LTBP3: variants seen among roughly 807,000 people sequenced by gnomAD.
The protein encoded by LTBP3 is latent-transforming growth factor beta-binding protein 3.
A neutral mutation model predicts 159.7 loss-of-function variants in LTBP3; 97 were observed. The observed-to-expected ratio is 0.61, with a 90% CI of 0.52 to 0.72. LTBP3 has a LOEUF of 0.72. Among genes scored for constraint, LTBP3 ranks in the 30% least tolerant of loss-of-function variants. The probability of loss-of-function intolerance (pLI) is 0.00; values close to 1 mark genes in which losing one functional copy is unlikely to be tolerated. For synonymous variants in LTBP3, 824 were observed against 777.1 expected, an observed-to-expected ratio of 1.06 and a Z score of -1.00; for missense variants, 1,584 against 1,864.3, an observed-to-expected ratio of 0.85 and a Z score of 2.77.
rs770492133 is a variant in LTBP3, at chr11:65,551,200, G to A, written c.1646C>T (p.Pro549Leu). 6.5e-6 allele frequency: 10 copies of A among 1,549,546 alleles called. No individual in the cohort carries two copies. In the East Asian group the frequency reaches 2.2e-4, roughly 34 times the overall value. ...GTCCGGCAGGAACCAGCGCATGGTC[G>A]GGGGCGAGGGACGGGAGATCAGCTC... ...YPELISRPSP[P>L]TMRWFLPDLP... The change falls in exon 11 of 28, where the codon CCG (proline) becomes CTG (leucine). Residue 549 changes from proline to leucine, a missense_variant. This residue lies in a region of LTBP3 where 565 missense variants were observed against 677.7 expected (regional missense o/e 0.83). Coordinates refer to ENST00000301873, the MANE Select transcript of LTBP3 (RefSeq NM_001130144.3).
Position 65,538,716 on chromosome 11 carries a change from G to A in LTBP3, c.*364C>T, listed in dbSNP as rs963553113. On this transcript the variant is annotated 3_prime_UTR_variant, in exon 28 of 28. Transcript: ENST00000301873. Reference sequence around the variant, plus strand: ...AATTCTATTTCACACCCCTTGTGCCGGGCTCAGTCTAGCCCCTGGGAGGCG... The same window carrying A: ...AATTCTATTTCACACCCCTTGTGCCAGGCTCAGTCTAGCCCCTGGGAGGCG... The A allele has an allele frequency of 3.5e-6, 4 of 1,136,976 alleles. No homozygotes were observed. Among genetic ancestry groups the A allele is most frequent in the African/African-American group, 3.1e-5 (2 of 64,136 alleles). 70.4% of individuals were successfully genotyped at this position (1,136,976 alleles called of 1,614,324 possible).
In LTBP3 at chr11:65,553,369, G is replaced by C; in HGVS notation, c.970+56C>G. On this transcript the variant is annotated intron_variant, in intron 4 of 27. Coordinates refer to ENST00000301873, the MANE Select transcript of LTBP3 (RefSeq NM_001130144.3). This position sits in a 1 kb window ranked among gnomAD's most constrained non-coding sequence, Gnocchi z 6.5. ...GGGACTCCCACTGCAGGGATGGGTG[G>C]GGTGGGTGGGGAGGGGCCACCAGAT... The C allele has an allele frequency of 7.1e-7, 1 of 1,401,238 alleles. No individual in the cohort carries two copies. The highest frequency in any genetic ancestry group is 1.0e-6 in the Non-Finnish European group (1 of 997,454). 86.8% of individuals were successfully genotyped at this position (1,401,238 alleles called of 1,614,324 possible).
chr11:65,552,314 G>A lies in LTBP3; in HGVS notation c.1279C>T (p.Leu427Phe). The A allele has an allele frequency of 6.2e-7, 1 of 1,614,162 alleles. No homozygotes were observed. The change falls in exon 7 of 28, where the codon CTC becomes TTC. Residue 427 changes from leucine to phenylalanine, a missense_variant. Around this residue, in one of 6 missense-constraint regions of LTBP3, gnomAD observed 156 missense variants for 259.7 expected, o/e 0.60. Coordinates refer to ENST00000301873, the MANE Select transcript of LTBP3 (RefSeq NM_001130144.3). This position sits in a 1 kb window ranked among gnomAD's most constrained non-coding sequence, Gnocchi z 6.0. ...HPLTTRLTRQ[L>F]CCCSVGKAWG... ...GCCTTGCCGACACTGCAGCAGCAGA[G>A]CTGGCGGGTCAGGCGGGTGGTCAGT...
In LTBP3 at chr11:65,554,187, C is replaced by G. The variant is rs781371487; in HGVS notation, c.525G>C (p.Glu175Asp). Residue 175 changes from glutamate (E) to aspartate (D), a missense_variant, in exon 2 of 28, where the codon GAG becomes GAC. Physicochemically the swap from Glu to Asp is conservative, Grantham distance 45. Transcript: ENST00000301873. The surrounding 1 kb of genome is among the most constrained non-coding windows in gnomAD (Gnocchi z 5.3). ...CGTGCTTGCTGGCCACAGAGTCGCC[C>G]TCCGGAGCCAGGGGCGGCAGCGCCC... ...STGALPPLAP[E>D]GDSVASKHAI... The G allele has an allele frequency of 6.2e-7, 1 of 1,611,572 alleles. No homozygotes were observed. The highest frequency in any genetic ancestry group is 1.7e-5 in the Admixed American group (1 of 59,962).
chr11:65,539,398 C>G lies in LTBP3; in HGVS notation c.3690G>C (p.Pro1230=). 6.5e-7 allele frequency: 1 copy of G among 1,547,754 alleles called. No homozygotes were observed. The highest frequency in any genetic ancestry group is 8.7e-7 in the Non-Finnish European group (1 of 1,145,308). The change falls in exon 27 of 28, where the codon CCG becomes CCC. Residue 1230 remains proline, a synonymous_variant. Transcript: ENST00000301873. ...ACTCGCACACGGCGCCGCCCGGCCG[C>G]GGCACGCAGCGGCCACTCACGCAGC... ...ECRCVSGRCV[P]RPGGAVCECP... is the part of the protein sequence containing the mutation.
In LTBP3 at chr11:65,552,712, C is replaced by G; in HGVS notation, c.1186+148G>C. 8.4e-7 allele frequency: 1 copy of G among 1,190,208 alleles called. No homozygotes were observed. Among genetic ancestry groups the G allele is most frequent in the Non-Finnish European group, 1.2e-6 (1 of 815,530 alleles). 73.7% of individuals were successfully genotyped at this position (1,190,208 alleles called of 1,614,324 possible). The stretch of plus-strand genomic sequence containing the variant: ...GCTAATGGCAGATCTCATGTGACCC[C>G]GGACCCTGCTGATCCCTGATCCTAT... On this transcript the variant is annotated intron_variant, in intron 6 of 27. Coordinates refer to ENST00000301873, the MANE Select transcript of LTBP3 (RefSeq NM_001130144.3). This position sits in a 1 kb window ranked among gnomAD's most constrained non-coding sequence, Gnocchi z 6.0.
In LTBP3 at chr11:65,551,149, T is replaced by C. The variant is rs1254354973; in HGVS notation, c.1697A>G (p.Glu566Gly). 2 of 1,553,968 alleles carry C rather than the reference T, an allele frequency of 1.3e-6. No homozygotes were observed. The highest frequency in any genetic ancestry group is 8.7e-7 in the Non-Finnish European group (1 of 1,148,934). ...ACCTGTGACCTGAGTGGGAGCGATC[T>C]CTACGGCGCTGCGGGAAGGAGGCAA... ...PDLPPSRSAV[E>G]IAPTQVTETD... The change falls in exon 11 of 28, where the codon GAG (glutamate) becomes GGG (glycine). Residue 566 changes from glutamate (E) to glycine (G), a missense_variant. Glu to Gly is a moderately conservative substitution (Grantham distance 98). Around this residue, in one of 6 missense-constraint regions of LTBP3, gnomAD observed 565 missense variants for 677.7 expected, o/e 0.83. Coordinates refer to ENST00000301873, the MANE Select transcript of LTBP3 (RefSeq NM_001130144.3).
At chr11:65,542,974 ATAGATG>A (rs1485378607) in intron 18 of LTBP3, 125 bp downstream of exon 18, 14 of 1,153,062 alleles carry the variant, frequency 1.2e-5, no homozygotes, top group Middle Eastern at 2.7e-4. Context: ...GGATGGATGG[ATAGATG>A]GATGGATGGA....
Position 65,558,271 on chromosome 11 carries a change from C to G in LTBP3, c.-312G>C, listed in dbSNP as rs939873619. Reference sequence around the variant, plus strand: ...AGCGAGGGAGAGGAAGGCCGGGCGGCCGGCCCGCTCCGCGCCTCCCCCTGG... The same window carrying G: ...AGCGAGGGAGAGGAAGGCCGGGCGGGCGGCCCGCTCCGCGCCTCCCCCTGG... On this transcript the variant is annotated 5_prime_UTR_variant, in exon 1 of 28. Transcript: ENST00000301873. The G allele has an allele frequency of 1.0e-6, 1 of 971,440 alleles. No individual in the cohort carries two copies. Among genetic ancestry groups the G allele is most frequent in the Non-Finnish European group, 1.2e-6 (1 of 801,588 alleles). The allele number at this position is 971,440 out of a possible 1,614,324, so 60.2% of individuals were successfully genotyped here. A position where few individuals can be genotyped will look rare whatever the true frequency, so the allele number is the denominator to read the frequency against.
rs771081037 is a variant in LTBP3, at chr11:65,539,775, G to A, written c.3492C>T (p.Cys1164=). The change falls in exon 25 of 28, where the codon TGC becomes TGT. Residue 1164 remains cysteine (C), a synonymous_variant. Transcript: ENST00000301873. ...GGGCGCCCCAGCCGCGGCCCTGGCG[G>A]CAGCAGCAGTCGTCGAAGGTGAGGG... ...GPALTFDDCC[C]RQGRGWGAQC... 7.8e-6 allele frequency: 12 copies of A among 1,545,260 alleles called. No homozygotes were observed. The East Asian group carries it at 2.9e-4, about 37-fold the overall frequency.
In LTBP3 at chr11:65,540,018, G is replaced by C; in HGVS notation, c.3380C>G (p.Pro1127Arg). ...SGRDCQLPES[P>R]AERAPERRDV... ...AGGCCAACCCTCGCCCTCACCGGCC[G>C]GGCTCTCGGGGAGCTGGCAATCGCG... The change falls in exon 24 of 28, where the codon CCG becomes CGG. Residue 1127 changes from proline to arginine, a missense_variant. Coordinates refer to ENST00000301873, the MANE Select transcript of LTBP3 (RefSeq NM_001130144.3). The C allele has an allele frequency of 6.7e-7, 1 of 1,498,602 alleles. No homozygotes were observed. The highest frequency in any genetic ancestry group is 8.9e-7 in the Non-Finnish European group (1 of 1,129,660). The allele number at this position is 1,498,602 out of a possible 1,614,324, so 92.8% of individuals were successfully genotyped here.
chr11:65,543,123 C>T lies in LTBP3; in HGVS notation c.2578G>A (p.Gly860Ser). The change falls in exon 18 of 28, where the codon GGT becomes AGT. Residue 860 changes from glycine (G) to serine (S), a missense_variant. By Grantham distance (56) the Gly-to-Ser change is moderately conservative (BLOSUM62 0). Transcript: ENST00000301873. ...CLCPQGHRLV[G>S]GRKCQDIDEC... ...CCCATACCTTGGCATTTCCTGCCAC[C>T]CACCAGCCGATGCCCCTGGGGGCAA... The T allele has an allele frequency of 6.2e-7, 1 of 1,614,096 alleles. No individual in the cohort carries two copies. Among genetic ancestry groups the T allele is most frequent in the Non-Finnish European group, 8.5e-7 (1 of 1,179,996 alleles).
intron 11 of LTBP3, among the ~76,000 whole-genome samples, chr11:65,549,475 G>T (rs1370097441): frequency 6.7e-6 from 1 of 149,510 alleles, no homozygotes. Flanking sequence ...GCAGTGGCAC[G>T]ATCTTGGCTC....
chr11:65,547,646 G>A lies in LTBP3; in HGVS notation c.1978+44C>T, dbSNP rs1214033530. The A allele has an allele frequency of 3.7e-6, 6 of 1,607,670 alleles. No homozygotes were observed. Among genetic ancestry groups the A allele is most frequent in the Non-Finnish European group, 5.1e-6 (6 of 1,178,340 alleles). Reference sequence around the variant, plus strand: ...AGGGATTACACGGCGGTCTGGAGGAGAGCCCGTCCCACCCAGGGCCGCCTC... The same window carrying A: ...AGGGATTACACGGCGGTCTGGAGGAAAGCCCGTCCCACCCAGGGCCGCCTC... On this transcript the variant is annotated intron_variant, in intron 13 of 27. Coordinates refer to ENST00000301873, the MANE Select transcript of LTBP3 (RefSeq NM_001130144.3). This position sits in a 1 kb window ranked among gnomAD's most constrained non-coding sequence, Gnocchi z 4.6.
At position 65,541,718 on chromosome 11, in the gene LTBP3, C is replaced by G. The variant is rs759149135; in HGVS notation, c.2607G>C (p.Glu869Asp). 6.2e-7 allele frequency: 1 copy of G among 1,614,116 alleles called. No homozygotes were observed. The highest frequency in any genetic ancestry group is 2.2e-5 in the East Asian group (1 of 44,882). The change falls in exon 19 of 28, where the codon GAG becomes GAC. Residue 869 changes from glutamate (E) to aspartate (D), a missense_variant. Physicochemically the swap from Glu to Asp is conservative, Grantham distance 45. This residue lies in a region of LTBP3 where 565 missense variants were observed against 677.7 expected (regional missense o/e 0.83). Transcript: ENST00000301873. ...GGCACAGGCTCGGGTCCTGGCTGCACTCATCTATGTCTGCGGGGCAAGAGT... is the reference window on the plus strand; with the variant it reads ...GGCACAGGCTCGGGTCCTGGCTGCAGTCATCTATGTCTGCGGGGCAAGAGT... Reference protein sequence around the residue: ...VGGRKCQDIDECSQDPSLCLP... With the variant: ...VGGRKCQDIDDCSQDPSLCLP...
chr11:65,545,934 C>A (rs1292644946), intron 16 of LTBP3, among the ~76,000 whole-genome samples: 1 of 152,160 alleles, frequency 6.6e-6, no homozygotes, highest in Non-Finnish European at 1.5e-5. Flanking sequence ...CCAGTGCCAA[C>A]CCCTGTGCCT....
chr11:65,541,874 G>T, intron 18 of LTBP3, 146 bp from the exon 19 acceptor site: 2 of 878,542 alleles, frequency 2.3e-6, no homozygotes, highest in Non-Finnish European at 3.6e-6. Context: ...CTGTGCATGT[G>T]TCTGAATGTG....
chr11:65,543,495 G>A lies in LTBP3; in HGVS notation c.2408C>T (p.Thr803Met), dbSNP rs767314508. The A allele has an allele frequency of 8.1e-6, 13 of 1,613,986 alleles. No individual in the cohort carries two copies. Among genetic ancestry groups the A allele is most frequent in the Middle Eastern group, 1.6e-4 (1 of 6,084 alleles). The change falls in exon 17 of 28, where the codon ACG becomes ATG. Residue 803 changes from threonine to methionine, a missense_variant. By Grantham distance (81) the Thr-to-Met change is moderately conservative. Transcript: ENST00000301873. ...GCACTGACACTGGAAAGATCCTGGC[G>A]TGTTGCTGCAGATGCCATTGTCACA... ...DVCDNGICSN[T>M]PGSFQCQCLS...
chr11:65,548,459 C>A, intron 11 of LTBP3: 1 of 367,264 alleles, frequency 2.7e-6, no homozygotes, highest in Non-Finnish European at 5.1e-6. Context: ...GTCCTCTAGC[C>A]CAGTGACTCC....
Sources: gnomAD v4.1 joint callset for allele counts (sites outside exome capture counted in the v4.1 genomes callset) on GRCh38, gnomAD v4.1.1 for gene constraint, gnomAD v4.1.1 regional missense constraint, Gnocchi (gnomAD v3.1) non-coding constraint, MANE v1.5 for transcripts, NCBI Gene and HGNC (gene_info 2026-07-23, HGNC 2026-07-21) for gene names.